The following TASOR2 variants were observed in gnomAD, a reference collection of about 807,000 sequenced individuals.
TASOR2 encodes the protein protein TASOR 2.
In TASOR2, 84 loss-of-function variants were observed where a neutral mutation model predicts 199.5. That is an observed-to-expected ratio of 0.42 (90% CI 0.35 to 0.50). The LOEUF (loss-of-function observed/expected upper bound fraction) is 0.50. Ranked by LOEUF, TASOR2 falls within the 20% of genes least tolerant of loss-of-function variation. TASOR2 has a pLI of 0.02. For synonymous variants in TASOR2, 1,103 were observed against 1,046.6 expected (o/e 1.05, Z -1.04); for missense variants, 2,796 against 2,835.9 (o/e 0.99, Z 0.32).
chr10:5,758,503 A>C (rs1218825396), intron 17 of TASOR2, among the ~76,000 whole-genome samples: 1 of 151,860 alleles, frequency 6.6e-6, no homozygotes. Context: ...ATGCCACCAC[A>C]CTCCAGCCTG....
At position 5,730,875 on chromosome 10, in the gene TASOR2, C is replaced by A; in HGVS notation, c.876C>A (p.Asp292Glu). ...ATCCTCAGTCTCCTTGTGTTTCAGA[C>A]GGAATTTGTGATGCTGGATTTTCCT... is the stretch of plus-strand genomic sequence containing the variant. The change falls in exon 11 of 21, where the codon GAC (aspartate) becomes GAA (glutamate). Residue 292 changes from aspartate (D) to glutamate (E), a missense_variant. Asp to Glu is a conservative substitution (Grantham distance 45, BLOSUM62 2). This residue lies in a region of TASOR2 where 847 missense variants were observed against 887.4 expected (regional missense o/e 0.95). Transcript: ENST00000328090. This position sits in a 1 kb window ranked among gnomAD's most constrained non-coding sequence, Gnocchi z 4.1. 6.2e-7 allele frequency: 1 copy of A among 1,614,106 alleles called. No homozygotes were observed. The highest frequency in any genetic ancestry group is 1.3e-5 in the African/African-American group (1 of 74,998).
At chr10:5,725,147 C>T (rs1243511947) in intron 8 of TASOR2, among the ~76,000 whole-genome samples, 2 of 152,036 alleles carry the variant, frequency 1.3e-5, no homozygotes, top group African/African-American at 4.8e-5. Context: ...CGCCTGTAAT[C>T]CCAGCACTTT....
chr10:5,685,098 G>T lies in TASOR2; in HGVS notation c.-365G>T. The T allele has an allele frequency of 1.0e-5, 4 of 398,320 alleles. No homozygotes were observed. Among genetic ancestry groups the T allele is most frequent in the Non-Finnish European group, 1.8e-5 (4 of 225,758 alleles). 24.7% of individuals were successfully genotyped at this position (398,320 alleles called of 1,614,324 possible). ...TCGCGAGGGCCCGGGAGGACGCAGA[G>T]CACGGCCGGGAGAAGCATGGGAAGG... On this transcript the variant is annotated 5_prime_UTR_variant, in exon 1 of 21. Coordinates refer to ENST00000328090, the Ensembl canonical transcript of TASOR2. This position sits in a 1 kb window ranked among gnomAD's most constrained non-coding sequence, Gnocchi z 5.4.
chr10:5,724,454 A>G (rs540201661), exon 8 of TASOR2: 7 of 1,545,030 alleles, frequency 4.5e-6, no homozygotes, highest in Admixed American at 2.0e-5. Context: ...TTGTGCTTCA[A>G]TTTGTATGAG....
chr10:5,708,241 C>T (rs1482074608), intron 1 of TASOR2, among the ~76,000 whole-genome samples: 1 of 152,162 alleles, frequency 6.6e-6, no homozygotes, highest in Non-Finnish European at 1.5e-5. Flanking sequence ...TTTGCAGTTC[C>T]TTTAATGTAT....
rs968994248 is a variant in TASOR2 at position 5,685,691 on chromosome 10, G to A, written c.-288+516G>A. 4.6e-5 allele frequency among the ~76,000 whole-genome samples: 7 copies of A among 152,194 alleles called. No homozygotes were observed. The highest frequency in any genetic ancestry group is 3.9e-4 in the Admixed American group (6 of 15,282). On this transcript the variant is annotated intron_variant, in intron 1 of 20. Coordinates refer to ENST00000328090, the Ensembl canonical transcript of TASOR2. This position sits in a 1 kb window ranked among gnomAD's most constrained non-coding sequence, Gnocchi z 5.4. ...GCCGCGTTGGGATAACTTGGTGCGA[G>A]CAACACAGAAGTTTGTCTGAAGGCG... is the stretch of plus-strand genomic sequence containing the variant.
chr10:5,753,441 C>T lies in TASOR2; in HGVS notation c.6607-3172C>T, dbSNP rs184662954. Among the ~76,000 whole-genome samples the T allele has an allele frequency of 1.3e-3, 193 of 152,348 alleles. 2 individuals carry two copies. Among genetic ancestry groups the T allele is most frequent in the African/African-American group, 4.3e-3 (178 of 41,576 alleles). ...GCAGTGGCGCGATCTCGGCTCACTG[C>T]AAGCTCTGTCTCCCGCATTCACACC... On this transcript the variant is annotated intron_variant, in intron 15 of 20. Coordinates refer to ENST00000328090, the Ensembl canonical transcript of TASOR2.
At chr10:5,743,473 A>G (rs898097364) in intron 14 of TASOR2, among the ~76,000 whole-genome samples, 1 of 152,236 alleles carries the variant, frequency 6.6e-6, no homozygotes, top group Non-Finnish European at 1.5e-5. Context: ...AGATGACGAG[A>G]CTAAAGCATA....
intron 1 of TASOR2, among the ~76,000 whole-genome samples, chr10:5,707,200 A>G (rs934323364): frequency 6.6e-5 from 10 of 152,196 alleles, no homozygotes; most frequent in African/African-American, 2.4e-4. Flanking sequence ...TAGAGTCACA[A>G]CTGAAAGGAG....
At chr10:5,723,455 A>G (rs1833646860) in intron 6 of TASOR2, among the ~76,000 whole-genome samples, 2 of 152,160 alleles carry the variant, frequency 1.3e-5, no homozygotes, top group Admixed American at 1.3e-4. Context: ...AAATACATGT[A>G]TTGAGAAGAT....
intron 3 of TASOR2, among the ~76,000 whole-genome samples, chr10:5,718,761 CAAAAAAAA>C (rs35051277): frequency 6.7e-5 from 9 of 134,662 alleles, no homozygotes; most frequent in African/African-American, 2.5e-4. Flanking sequence ...AACTCTGTCT[CAAAAAAAA>C]AAAAAAAAAG....
chr10:5,761,277 G>GT lies in TASOR2; in HGVS notation c.6993-12dup. The stretch of plus-strand genomic sequence containing the variant: ...CTGAAAAATATTTTAATATGCCTAT[G>GT]TATCTTTCACAGAGTGGATTCAACT... On this transcript the variant is annotated splice_polypyrimidine_tract_variant and intron_variant, in intron 18 of 20. Transcript: ENST00000328090. 1 of 1,604,596 alleles carries GT rather than the reference G, an allele frequency of 6.2e-7. No homozygotes were observed. The highest frequency in any genetic ancestry group is 8.5e-7 in the Non-Finnish European group (1 of 1,174,926).
At chr10:5,734,121 T>C (rs1369378495) in intron 11 of TASOR2, among the ~76,000 whole-genome samples, 1 of 152,234 alleles carries the variant, frequency 6.6e-6, no homozygotes, top group East Asian at 1.9e-4. Context: ...TTTAAAAATA[T>C]TTGCCAACAT....
chr10:5,721,023 GT>G (rs765874390), intron 6 of TASOR2, 53 bp downstream of exon 7: 13 of 1,454,658 alleles, frequency 8.9e-6, no homozygotes, highest in East Asian at 2.3e-5. Flanking sequence ...AAGTTTTGGG[GT>G]TTTTTTTCCT....
Position 5,750,447 on chromosome 10 carries a change from G to A in TASOR2, c.6606+420G>A, listed in dbSNP as rs201453694. 8.5e-5 allele frequency among the ~76,000 whole-genome samples: 13 copies of A among 152,074 alleles called. No individual in the cohort carries two copies. The highest frequency in any genetic ancestry group is 4.6e-4 in the Admixed American group (7 of 15,268). On this transcript the variant is annotated intron_variant, in intron 15 of 20. Coordinates refer to ENST00000328090, the Ensembl canonical transcript of TASOR2. This position sits in a 1 kb window ranked among gnomAD's most constrained non-coding sequence, Gnocchi z 5.4. ...TGAATGTTAGGATAACTGATGTTAC[G>A]GTGAGTACATGGAGTACATAGTCCT... is the stretch of plus-strand genomic sequence containing the variant.
In TASOR2 at chr10:5,730,498, T is replaced by A. The variant is rs199828167; in HGVS notation, c.499T>A (p.Leu167Met). Residue 167 changes from leucine to methionine, a missense_variant, in exon 11 of 21, where the codon TTG becomes ATG. Leu to Met is a conservative substitution (Grantham distance 15, BLOSUM62 2). Coordinates refer to ENST00000328090, the Ensembl canonical transcript of TASOR2. The surrounding 1 kb of genome is among the most constrained non-coding windows in gnomAD (Gnocchi z 4.1). Reference sequence around the variant, plus strand: ...TGTATATATTCTAGGGGTGAAAGATTTGAAAGTTGAAGATGACATCTCAAT... The same window carrying A: ...TGTATATATTCTAGGGGTGAAAGATATGAAAGTTGAAGATGACATCTCAAT... 12 of 1,595,404 alleles carry A rather than the reference T, an allele frequency of 7.5e-6. No individual in the cohort carries two copies. In the Admixed American group the frequency reaches 1.8e-4, roughly 24 times the overall value.
chr10:5,693,165 T>A (rs924324135), intron 1 of TASOR2, among the ~76,000 whole-genome samples: 1 of 152,198 alleles, frequency 6.6e-6, no homozygotes, highest in African/African-American at 2.4e-5. Context: ...CACTTTTGTA[T>A]GGTACCCGAA....
chr10:5,718,620 G>T (rs188826820), intron 3 of TASOR2, among the ~76,000 whole-genome samples: 1 of 151,888 alleles, frequency 6.6e-6, no homozygotes, highest in Admixed American at 6.6e-5. Flanking sequence ...TTAGCCTGAC[G>T]TGGTGGCGGG....
In TASOR2 at chr10:5,751,473, G is replaced by C. The variant is rs564413246; in HGVS notation, c.6606+1446G>C. Among the ~76,000 whole-genome samples, 2 of 152,294 alleles carry C rather than the reference G, an allele frequency of 1.3e-5. No homozygotes were observed. Among genetic ancestry groups the C allele is most frequent in the African/African-American group, 4.8e-5 (2 of 41,564 alleles). Reference sequence around the variant, plus strand: ...CATGGCACATTTTGTTTTACTTAAAGGGTTATCATCTGTTTCTTCATTATT... The same window carrying C: ...CATGGCACATTTTGTTTTACTTAAACGGTTATCATCTGTTTCTTCATTATT... On this transcript the variant is annotated intron_variant, in intron 15 of 20. Transcript: ENST00000328090. This position sits in a 1 kb window ranked among gnomAD's most constrained non-coding sequence, Gnocchi z 5.3.
Sources: allele counts gnomAD v4.1 joint callset (sites outside exome capture counted in the v4.1 genomes callset), GRCh38; gene constraint gnomAD v4.1.1; regional missense constraint gnomAD v4.1.1; non-coding constraint Gnocchi (gnomAD v3.1); transcripts MANE v1.5; gene names NCBI Gene and HGNC (gene_info 2026-07-23, HGNC 2026-07-21).